Variants in C1orf105 observed in about 807,000 individuals in gnomAD.
The protein encoded by C1orf105 is chromosome 1 open reading frame 105.
C1orf105 carries 17 observed loss-of-function variants against 20.8 expected under a neutral mutation model. The ratio of observed to expected loss-of-function variants is 0.82; its 90% CI spans 0.56 to 1.23. The LOEUF (loss-of-function observed/expected upper bound fraction) is 1.23, where lower values mean the gene tolerates loss of function less well. Among genes scored for constraint, C1orf105 ranks in the 50% most tolerant of loss-of-function variants. C1orf105 has a pLI of 0.00. For synonymous variants in C1orf105, 72 were observed against 72.1 expected (o/e 1.00, Z 0.01); for missense variants, 219 against 213.5 (o/e 1.03, Z -0.16).
At chr1:172,432,019 C>G (rs2071889596) in intron 1 of C1orf105, among the ~76,000 whole-genome samples, 1 of 152,234 alleles carries the variant, frequency 6.6e-6, no homozygotes, top group Non-Finnish European at 1.5e-5. Flanking sequence ...AACTGTGAGG[C>G]AGCAGCCTGG....
Position 172,456,429 on chromosome 1 carries a change from G to C in C1orf105, c.213G>C (p.Gln71His). Residue 71 changes from glutamine to histidine, a missense_variant, in exon 4 of 7, where the codon CAG (glutamine) becomes CAC (histidine). Transcript: ENST00000367727. The stretch of plus-strand genomic sequence containing the variant: ...TTTCCCCTCAGGCCAGGAGGAACCA[G>C]TGTGACTCCATGCTGCTCAGAAACC... ...PDVLSKARRN[Q>H]CDSMLLRNQQ... 6.2e-7 allele frequency: 1 copy of C among 1,613,286 alleles called. No homozygotes were observed.
In C1orf105 at chr1:172,420,827, G is replaced by C. The variant is rs1400826223; in HGVS notation, c.-59G>C. ...CAGTCTTCCACTGGCCACAGTGAGGGGAGCTAGGTTTCCCCAGTCTCCAGC... is the reference window on the plus strand; with the variant it reads ...CAGTCTTCCACTGGCCACAGTGAGGCGAGCTAGGTTTCCCCAGTCTCCAGC... On this transcript the variant is annotated 5_prime_UTR_variant, in exon 1 of 7. Coordinates refer to ENST00000367727, the MANE Select transcript of C1orf105 (RefSeq NM_139240.4). 1.3e-6 allele frequency: 2 copies of C among 1,568,110 alleles called. No individual in the cohort carries two copies. The highest frequency in any genetic ancestry group is 1.8e-6 in the Non-Finnish European group (2 of 1,139,750).
At position 172,445,087 on chromosome 1, in the gene C1orf105, A is replaced by C; in HGVS notation, c.36A>C (p.Lys12Asn). The change falls in exon 2 of 7, where the codon AAA becomes AAC. Residue 12 changes from lysine (K) to asparagine (N), a missense_variant. Physicochemically the swap from Lys to Asn is moderately conservative, Grantham distance 94 (BLOSUM62 0). Transcript: ENST00000367727. The part of the protein sequence containing the change: ...EKRELKASVP[K>N]FDKIPWLSEA... ...TTTCCCTCTAGGCTTCTGTTCCAAA[A>C]TTTGACAAGATTCCTTGGCTTAGTG... The C allele has an allele frequency of 6.2e-7, 1 of 1,613,380 alleles. No individual in the cohort carries two copies. Among genetic ancestry groups the C allele is most frequent in the Non-Finnish European group, 8.5e-7 (1 of 1,179,630 alleles).
intron 1 of C1orf105, among the ~76,000 whole-genome samples, chr1:172,440,439 TC>T (rs1274627649): frequency 3.3e-5 from 5 of 152,228 alleles, no homozygotes; most frequent in Admixed American, 3.3e-4. Context: ...TTTGCATGTA[TC>T]CCATTTACCA....
chr1:172,442,095 T>C (rs1446375376), intron 1 of C1orf105: 1 of 1,614,202 alleles, frequency 6.2e-7, no homozygotes, highest in Non-Finnish European at 8.5e-7. Flanking sequence ...TCAAGGATAG[T>C]GTGCTGGATA....
chr1:172,439,512 T>G (rs373270948), intron 1 of C1orf105, among the ~76,000 whole-genome samples: 2 of 152,302 alleles, frequency 1.3e-5, no homozygotes, highest in African/African-American at 4.8e-5. Flanking sequence ...CCCGCAACTC[T>G]CCGTCTCCCA....
At chr1:172,431,104 C>G (rs1035070936) in intron 1 of C1orf105, 5 of 649,466 alleles carry the variant, frequency 7.7e-6, no homozygotes, top group Non-Finnish European at 1.4e-5. Context: ...CAATTAATAA[C>G]CCTGCAATGG....
chr1:172,467,513 C>A (rs1650149133), intron 6 of C1orf105, among the ~76,000 whole-genome samples: 1 of 152,208 alleles, frequency 6.6e-6, no homozygotes, highest in Non-Finnish European at 1.5e-5. Flanking sequence ...CAGATGCTAA[C>A]CACCTCATAG....
At chr1:172,422,242 G>C (rs940497375) in intron 1 of C1orf105, among the ~76,000 whole-genome samples, 6 of 152,216 alleles carry the variant, frequency 3.9e-5, no homozygotes, top group African/African-American at 1.4e-4. Context: ...TGCTTGAGGA[G>C]AGAAGAGGGA....
At chr1:172,444,028 C>T (rs773709439) in intron 1 of C1orf105, 368 of 1,000,024 alleles carry the variant, frequency 3.7e-4, no homozygotes, top group Non-Finnish European at 4.4e-4. Context: ...GACGGCGGCA[C>T]CCAGCCTTTT....
chr1:172,427,328 C>T (rs955719247), intron 1 of C1orf105, among the ~76,000 whole-genome samples: 1 of 152,198 alleles, frequency 6.6e-6, no homozygotes, highest in Middle Eastern at 3.2e-3. Context: ...CACTTGTGCA[C>T]TTATGTACTC....
chr1:172,447,937 C>T (rs546655739), intron 2 of C1orf105, among the ~76,000 whole-genome samples: 1 of 152,312 alleles, frequency 6.6e-6, no homozygotes, highest in Non-Finnish European at 1.5e-5. Context: ...GTTCTTGCAA[C>T]ATCACTGCTT....
At chr1:172,445,945 A>G (rs540071937) in intron 2 of C1orf105, among the ~76,000 whole-genome samples, 1 of 152,194 alleles carries the variant, frequency 6.6e-6, no homozygotes, top group African/African-American at 2.4e-5. Flanking sequence ...AGACTCCCCA[A>G]AAAGAGTTTC....
At chr1:172,422,016 G>A (rs2071604450) in intron 1 of C1orf105, among the ~76,000 whole-genome samples, 1 of 152,152 alleles carries the variant, frequency 6.6e-6, no homozygotes, top group African/African-American at 2.4e-5. Context: ...ATGGGCTAAA[G>A]TGCTCTGAGG....
rs1276419548 is a variant in C1orf105, at chr1:172,468,478, G to C, written c.436G>C (p.Gly146Arg). The change falls in exon 7 of 7, where the codon GGC becomes CGC. Residue 146 changes from glycine to arginine, a missense_variant. Physicochemically the swap from Gly to Arg is moderately radical, Grantham distance 125. Coordinates refer to ENST00000367727, the MANE Select transcript of C1orf105 (RefSeq NM_139240.4). ...CATTCACTACAGACTGCCCATTCTG[G>C]GCCCCAGGACAGCTGTCTTCCACGG... Reference protein sequence around the residue: ...ESIHYRLPILGPRTAVFHGLL... With the variant: ...ESIHYRLPILRPRTAVFHGLL... 2 of 1,613,362 alleles carry C rather than the reference G, an allele frequency of 1.2e-6. No homozygotes were observed. The highest frequency in any genetic ancestry group is 2.2e-5 in the South Asian group (2 of 90,990).
At chr1:172,429,585 T>C (rs1419884658) in intron 1 of C1orf105, among the ~76,000 whole-genome samples, 1 of 152,236 alleles carries the variant, frequency 6.6e-6, no homozygotes, top group Non-Finnish European at 1.5e-5. Context: ...ACTTGTTTTC[T>C]TTTTCTTGTC....
chr1:172,446,716 C>A (rs919687743), intron 2 of C1orf105, among the ~76,000 whole-genome samples: 2 of 152,194 alleles, frequency 1.3e-5, no homozygotes, highest in Non-Finnish European at 2.9e-5. Context: ...GGGTGGAGAT[C>A]AGGGAGAAGG....
chr1:172,460,579 T>C (rs1649619053), intron 4 of C1orf105, among the ~76,000 whole-genome samples: 1 of 151,738 alleles, frequency 6.6e-6, no homozygotes, highest in Non-Finnish European at 1.5e-5. Context: ...TATTAAAAAA[T>C]AGTTTCAAAA....
chr1:172,440,289 G>A (rs2072178459), intron 1 of C1orf105, among the ~76,000 whole-genome samples: 1 of 152,248 alleles, frequency 6.6e-6, no homozygotes, highest in African/African-American at 2.4e-5. Context: ...GGAGGTGCCT[G>A]CTGCATTTGG....
Sources: gnomAD v4.1 joint callset for allele counts (sites outside exome capture counted in the v4.1 genomes callset) on GRCh38, gnomAD v4.1.1 for gene constraint, MANE v1.5 for transcripts, NCBI Gene and HGNC (gene_info 2026-07-23, HGNC 2026-07-21) for gene names.